Variants in FAT4 observed in about 807,000 individuals in gnomAD.
FAT4 encodes protocadherin Fat 4.
In FAT4, 84 loss-of-function variants were observed where a neutral mutation model predicts 303.9. The observed-to-expected ratio is 0.28, with a 90% CI of 0.23 to 0.33. The LOEUF is 0.33. Among genes scored for constraint, FAT4 ranks in the 10% least tolerant of loss-of-function variants. FAT4 has a pLI of 1.00. For missense variants in FAT4, 6,005 were observed against 6,146.8 expected (o/e 0.98, Z 0.77); for synonymous variants, 2,307 against 2,298.8 (o/e 1.00, Z -0.10).
chr4:125,468,033 C>T (rs1232035677), intron 11 of FAT4, among the ~76,000 whole-genome samples: 2 of 151,858 alleles, frequency 1.3e-5, no homozygotes, highest in African/African-American at 2.4e-5. Context: ...GCATGGTTCC[C>T]GGCACCTATA....
intron 12 of FAT4, among the ~76,000 whole-genome samples, chr4:125,473,667 A>G (rs1319574327): frequency 6.6e-6 from 1 of 152,042 alleles, no homozygotes; most frequent in Admixed American, 6.6e-5. Context: ...ATATGTTGTC[A>G]AGTATACTAT....
intron 2 of FAT4, among the ~76,000 whole-genome samples, chr4:125,374,321 T>G (rs752385669): frequency 4.1e-4 from 63 of 152,148 alleles, no homozygotes; most frequent in Non-Finnish European, 6.3e-4. Context: ...ACTCCAGAAA[T>G]TTGGTGACAA....
At chr4:125,417,098 T>A (rs1044303601) in intron 7 of FAT4, among the ~76,000 whole-genome samples, 1 of 152,202 alleles carries the variant, frequency 6.6e-6, no homozygotes, top group Non-Finnish European at 1.5e-5. Context: ...ATTCACTTTA[T>A]GACATTTATA....
rs542909970 is a variant in FAT4 at position 125,315,519 on chromosome 4, C to T, written c.-471C>T. On this transcript the variant is annotated 5_prime_UTR_variant, in exon 1 of 18. Transcript: ENST00000394329. ...TGTTTCTGCCCGACCCCTGCGAGGC[C>T]GAGAAGAAAGGGGAAACTGCGTTCG... 6.6e-6 allele frequency among the ~76,000 whole-genome samples: 1 copy of T among 152,232 alleles called. No homozygotes were observed. The highest frequency in any genetic ancestry group is 1.5e-5 in the Non-Finnish European group (1 of 68,020).
chr4:125,321,735 C>T (rs563304056), intron 2 of FAT4, 149 bp downstream of exon 2: 19 of 779,132 alleles, frequency 2.4e-5, no homozygotes, highest in Non-Finnish European at 3.6e-5. Context: ...CAAAGGCTAA[C>T]AGAGAGTTAC....
Position 125,451,291 on chromosome 4 carries a change from T to C in FAT4, c.10281T>C (p.Phe3427=). Residue 3427 remains phenylalanine, a synonymous_variant, in exon 10 of 18, where the codon TTT becomes TTC. Coordinates refer to ENST00000394329, the MANE Select transcript of FAT4 (RefSeq NM_001291303.3). ...TCCCAATAGGAACTCATGTGACCTT[T>C]GTCAGTGCCTTTGACTCAGACTCCA... is the stretch of plus-strand genomic sequence containing the variant. The part of the protein sequence containing the change: ...EGVPIGTHVT[F]VSAFDSDSIP... 6.2e-7 allele frequency: 1 copy of C among 1,614,150 alleles called. No individual in the cohort carries two copies. Among genetic ancestry groups the C allele is most frequent in the South Asian group, 1.1e-5 (1 of 91,078 alleles).
In FAT4 at chr4:125,317,987, A is replaced by G; in HGVS notation, c.1576A>G (p.Ser526Gly). Reference sequence around the variant, plus strand: ...CAATGGACTGGGATGGTTCCATATCAGTGAACATAGCGGCCTCGTGACCAC... The same window carrying G: ...CAATGGACTGGGATGGTTCCATATCGGTGAACATAGCGGCCTCGTGACCAC... ...SGNGLGWFHISEHSGLVTTGS... is the reference protein window; with the variant it reads ...SGNGLGWFHIGEHSGLVTTGS... The change falls in exon 2 of 18, where the codon AGT (serine) becomes GGT (glycine). Residue 526 changes from serine to glycine, a missense_variant. Coordinates refer to ENST00000394329, the MANE Select transcript of FAT4 (RefSeq NM_001291303.3). This position sits in a 1 kb window ranked among gnomAD's most constrained non-coding sequence, Gnocchi z 7.0. 6.2e-7 allele frequency: 1 copy of G among 1,614,216 alleles called. No homozygotes were observed. Among genetic ancestry groups the G allele is most frequent in the South Asian group, 1.1e-5 (1 of 91,082 alleles).
At position 125,319,904 on chromosome 4, in the gene FAT4, T is replaced by C. The variant is rs1208770364; in HGVS notation, c.3493T>C (p.Ser1165Pro). The C allele has an allele frequency of 3.7e-6, 6 of 1,613,724 alleles. No individual in the cohort carries two copies. The East Asian group carries it at 1.1e-4, about 30-fold the overall frequency. The change falls in exon 2 of 18, where the codon TCT (serine) becomes CCT (proline). Residue 1165 changes from serine to proline, a missense_variant. Coordinates refer to ENST00000394329, the MANE Select transcript of FAT4 (RefSeq NM_001291303.3). ...AAATACTCATCAGTTTGACAGGGAG[T>C]CTCTTATGAGGCGGAGAGGGACTGC... The part of the protein sequence containing the change: ...ITNTHQFDRE[S>P]LMRRRGTAVF...
At position 125,415,591 on chromosome 4, in the gene FAT4, G is replaced by C; in HGVS notation, c.6628G>C (p.Ala2210Pro). 1 of 1,614,038 alleles carries C rather than the reference G, an allele frequency of 6.2e-7. No individual in the cohort carries two copies. The highest frequency in any genetic ancestry group is 8.5e-7 in the Non-Finnish European group (1 of 1,179,978). ...ATTTCGGATAGACTCTGTCACAGGT[G>C]CCATCACTGTCGCTAAACCTTTGGA... ...QEFRIDSVTGAITVAKPLDRE... is the reference protein window; with the variant it reads ...QEFRIDSVTGPITVAKPLDRE... Residue 2210 changes from alanine (A) to proline (P), a missense_variant, in exon 6 of 18, where the codon GCC becomes CCC. Transcript: ENST00000394329.
Position 125,462,207 on chromosome 4 carries a change from C to G in FAT4, c.11801-1356C>G, listed in dbSNP as rs17009713. ...TTTCAGACCAGAATAAGTGTGGCTC[C>G]GTAATCAAGCCACAAAAACAGAACC... On this transcript the variant is annotated intron_variant, in intron 10 of 17. Coordinates refer to ENST00000394329, the MANE Select transcript of FAT4 (RefSeq NM_001291303.3). Among the ~76,000 whole-genome samples the G allele has an allele frequency of 7.9e-5, 12 of 151,732 alleles. No individual in the cohort carries two copies. In the South Asian group the frequency reaches 8.3e-4, roughly 10 times the overall value.
rs561992498 is a variant in FAT4 at position 125,321,290 on chromosome 4, C to T, written c.4879C>T (p.Pro1627Ser). 2.5e-6 allele frequency: 4 copies of T among 1,613,942 alleles called. No individual in the cohort carries two copies. Among genetic ancestry groups the T allele is most frequent in the Non-Finnish European group, 3.4e-6 (4 of 1,179,958 alleles). Residue 1627 changes from proline (P) to serine (S), a missense_variant, in exon 2 of 18, where the codon CCT (proline) becomes TCT (serine). Physicochemically the swap from Pro to Ser is moderately conservative, Grantham distance 74. Coordinates refer to ENST00000394329, the MANE Select transcript of FAT4 (RefSeq NM_001291303.3). Reference sequence around the variant, plus strand: ...CATCATTCTTCAGGGCCTTGATGGACCTGTTTTTACTCAACCCAAATATAT... The same window carrying T: ...CATCATTCTTCAGGGCCTTGATGGATCTGTTTTTACTCAACCCAAATATAT... ...LTIILQGLDG[P>S]VFTQPKYITI...
At chr4:125,437,004 G>A (rs1275173914) in intron 8 of FAT4, among the ~76,000 whole-genome samples, 3 of 151,984 alleles carry the variant, frequency 2.0e-5, no homozygotes, top group Admixed American at 6.6e-5. Flanking sequence ...ACAGGTGCAC[G>A]CCACCACACT....
chr4:125,382,326 C>T (rs1306993279), intron 2 of FAT4, among the ~76,000 whole-genome samples: 1 of 152,162 alleles, frequency 6.6e-6, no homozygotes, highest in African/African-American at 2.4e-5. Flanking sequence ...GTTTAGATTA[C>T]TCCTTGATCC....
At chr4:125,477,433 A>G (rs1727069838) in intron 14 of FAT4, 99 bp downstream of exon 14, 3 of 1,046,542 alleles carry the variant, frequency 2.9e-6, no homozygotes, top group Middle Eastern at 2.2e-4. Flanking sequence ...TCAAATCTCT[A>G]AAAATACCAA....
intron 2 of FAT4, among the ~76,000 whole-genome samples, chr4:125,369,807 T>C (rs1733037176): frequency 6.6e-6 from 1 of 152,184 alleles, no homozygotes; most frequent in Admixed American, 6.5e-5. Context: ...AGGCCACCAC[T>C]GTTCTGCTTT....
intron 2 of FAT4, among the ~76,000 whole-genome samples, chr4:125,358,517 G>A (rs540595455): frequency 7.9e-5 from 12 of 152,092 alleles, no homozygotes; most frequent in Non-Finnish European, 5.9e-5. Flanking sequence ...CATAAGGAGC[G>A]TGCAACTTAG....
At chr4:125,475,064 T>C (rs1726979815) in intron 12 of FAT4, among the ~76,000 whole-genome samples, 2 of 152,122 alleles carry the variant, frequency 1.3e-5, no homozygotes. Flanking sequence ...AAATTTAGAA[T>C]AACGCTTTAT....
intron 2 of FAT4, among the ~76,000 whole-genome samples, chr4:125,369,272 A>C (rs181057707): frequency 1.3e-5 from 2 of 152,258 alleles, no homozygotes; most frequent in African/African-American, 4.8e-5. Flanking sequence ...TTTAAGGAAG[A>C]GGGAACAACT....
chr4:125,385,025 T>TATA (rs1491325760), intron 2 of FAT4, among the ~76,000 whole-genome samples: 19 of 52,654 alleles, frequency 3.6e-4, no homozygotes, highest in Non-Finnish European at 5.9e-4. Flanking sequence ...TATATATATA[T>TATA]TTTTTTTTTT....
Sources: allele counts gnomAD v4.1 joint callset (sites outside exome capture counted in the v4.1 genomes callset), GRCh38; gene constraint gnomAD v4.1.1; non-coding constraint Gnocchi (gnomAD v3.1); transcripts MANE v1.5; gene names NCBI Gene and HGNC (gene_info 2026-07-23, HGNC 2026-07-21).